Variants in AEBP2 observed in about 807,000 individuals in gnomAD.
AEBP2 encodes the protein zinc finger protein AEBP2.
AEBP2 carries 10 observed loss-of-function variants against 50.8 expected under a neutral mutation model. The observed-to-expected ratio is 0.20, with a 90% CI of 0.12 to 0.33. AEBP2 has a LOEUF of 0.33. Among genes scored for constraint, AEBP2 ranks in the 10% least tolerant of loss-of-function variants. The probability of loss-of-function intolerance (pLI) is 1.00; values close to 1 mark genes in which losing one functional copy is unlikely to be tolerated. For synonymous variants in AEBP2, 296 were observed against 261.3 expected, an observed-to-expected ratio of 1.13 and a Z score of -1.28; for missense variants, 570 against 688.0, an observed-to-expected ratio of 0.83 and a Z score of 1.92.
At chr12:19,474,655 A>G (rs1948621158) in intron 3 of AEBP2, among the ~76,000 whole-genome samples, 1 of 152,168 alleles carries the variant, frequency 6.6e-6, no homozygotes, top group African/African-American at 2.4e-5. Context: ...AAAAGAAACA[A>G]ACTTAATTTT....
chr12:19,440,832 A>AT, intron 1 of AEBP2: 1 of 1,397,528 alleles, frequency 7.2e-7, no homozygotes, highest in East Asian at 2.5e-5. Flanking sequence ...TTCCTTGTCC[A>AT]TGGGAGAGAC....
rs539378642 is a variant in AEBP2, at chr12:19,500,544, C to T, written c.1299+323C>T. ...CCAGGTGTCTTTTCTCACCTGGTTTCCTCATTTGCAAAATTAGAACATGAG... is the reference window on the plus strand; with the variant it reads ...CCAGGTGTCTTTTCTCACCTGGTTTTCTCATTTGCAAAATTAGAACATGAG... On this transcript the variant is annotated intron_variant, in intron 5 of 7. Coordinates refer to ENST00000266508, the MANE Select transcript of AEBP2 (RefSeq NM_153207.5). Among the ~76,000 whole-genome samples, 7 of 152,258 alleles carry T rather than the reference C, an allele frequency of 4.6e-5. 1 individual carries two copies. In the South Asian group the frequency reaches 1.5e-3, roughly 32 times the overall value.
chr12:19,496,300 C>T (rs767924011), intron 4 of AEBP2, among the ~76,000 whole-genome samples: 1 of 152,002 alleles, frequency 6.6e-6, no homozygotes, highest in East Asian at 1.9e-4. Context: ...AGGCAGGCTG[C>T]GTAGGGAGAG....
chr12:19,493,548 A>G (rs984991311), intron 3 of AEBP2, among the ~76,000 whole-genome samples: 2 of 152,216 alleles, frequency 1.3e-5, no homozygotes, highest in African/African-American at 4.8e-5. Flanking sequence ...TGTATTGCAT[A>G]TAGTGGAAAT....
upstream of AEBP2, among the ~76,000 whole-genome samples, chr12:19,436,686 G>T (rs1051307617): frequency 1.3e-5 from 2 of 151,266 alleles, no homozygotes; most frequent in Non-Finnish European, 2.9e-5. Flanking sequence ...CAATCTCCTG[G>T]CTCAAGCTGT....
chr12:19,470,876 G>A (rs1477470595), intron 2 of AEBP2, among the ~76,000 whole-genome samples: 1 of 152,126 alleles, frequency 6.6e-6, no homozygotes, highest in Non-Finnish European at 1.5e-5. Context: ...GAATCCTTCT[G>A]TCAAAAAAGT....
chr12:19,471,969 T>A (rs1948580522), intron 2 of AEBP2, among the ~76,000 whole-genome samples: 1 of 152,232 alleles, frequency 6.6e-6, no homozygotes, highest in Admixed American at 6.5e-5. Flanking sequence ...GGAAACGTTA[T>A]GACTTCCTTT....
intron 1 of AEBP2, chr12:19,456,437 A>G (rs1933623190): frequency 7.1e-7 from 1 of 1,413,682 alleles, no homozygotes; most frequent in Non-Finnish European, 9.9e-7. Flanking sequence ...CAACGTTGGC[A>G]GCATCACCAG....
intron 3 of AEBP2, among the ~76,000 whole-genome samples, chr12:19,479,315 C>A (rs1420467765): frequency 6.6e-6 from 1 of 152,124 alleles, no homozygotes; most frequent in Non-Finnish European, 1.5e-5. Context: ...GTCTTGATGA[C>A]CTGTCTAATG....
At chr12:19,423,112 A>G (rs948502560) in intron 1 of AEBP2, among the ~76,000 whole-genome samples, 2 of 145,298 alleles carry the variant, frequency 1.4e-5, no homozygotes, top group Non-Finnish European at 3.0e-5. Flanking sequence ...TGACCAGAGT[A>G]TAAGTTTCAT....
chr12:19,408,605 A>G (rs1414488337), intron 1 of AEBP2, among the ~76,000 whole-genome samples: 2 of 151,664 alleles, frequency 1.3e-5, no homozygotes, highest in Non-Finnish European at 2.9e-5. Context: ...TGAATCGCCT[A>G]TTTCAAAAAT....
chr12:19,519,836 CTT>C lies in AEBP2; in HGVS notation c.*1720_*1721del, dbSNP rs1228962919. 1 of 152,262 alleles carries C rather than the reference CTT, an allele frequency of 6.6e-6. No individual in the cohort carries two copies. Among genetic ancestry groups the C allele is most frequent in the East Asian group, 1.9e-4 (1 of 5,188 alleles). The allele number at this position is 152,262 out of a possible 1,614,324, so 9.4% of individuals were successfully genotyped here. A position where few individuals can be genotyped will look rare whatever the true frequency, so the allele number is the denominator to read the frequency against. ...AAGAGCTATATACATGAAAATGAGTCTTATAAAATTAAGTGAAGTGCAAATAA... is the reference window on the plus strand; with the variant it reads ...AAGAGCTATATACATGAAAATGAGTCATAAAATTAAGTGAAGTGCAAATAA... On this transcript the variant is annotated 3_prime_UTR_variant, in exon 8 of 8. Coordinates refer to ENST00000266508, the MANE Select transcript of AEBP2 (RefSeq NM_153207.5).
upstream of AEBP2, among the ~76,000 whole-genome samples, chr12:19,438,110 T>C (rs1453532891): frequency 6.6e-6 from 1 of 152,076 alleles, no homozygotes; most frequent in Non-Finnish European, 1.5e-5. Context: ...TAAGGTGCAA[T>C]ACCCGGTTAT....
chr12:19,457,227 A>G, intron 1 of AEBP2: 1 of 1,598,506 alleles, frequency 6.3e-7, no homozygotes, highest in Non-Finnish European at 8.5e-7. Flanking sequence ...CCAAAAGGGC[A>G]TGCTCCTAGG....
chr12:19,457,554 C>G, intron 1 of AEBP2: 1 of 1,481,500 alleles, frequency 6.7e-7, no homozygotes, highest in Admixed American at 2.0e-5. Context: ...GTTGATGCTA[C>G]CACATTTGTA....
intron 3 of AEBP2, among the ~76,000 whole-genome samples, chr12:19,492,596 TAAAA>T (rs1003368396): frequency 6.6e-6 from 1 of 151,608 alleles, no homozygotes; most frequent in African/African-American, 2.4e-5. Flanking sequence ...CAAAATAAAA[TAAAA>T]AAAATTTATT....
At chr12:19,417,238 A>G (rs1190693150) in intron 1 of AEBP2, among the ~76,000 whole-genome samples, 1 of 152,142 alleles carries the variant, frequency 6.6e-6, no homozygotes. Flanking sequence ...AGCTAAAGTG[A>G]TTATTCAAAC....
At chr12:19,480,543 A>T (rs562809457) in intron 3 of AEBP2, among the ~76,000 whole-genome samples, 7 of 152,344 alleles carry the variant, frequency 4.6e-5, no homozygotes, top group African/African-American at 1.7e-4. Context: ...TCCTTCATTT[A>T]TGAAGCTTAG....
chr12:19,500,406 CAT>C (rs1189981645), intron 5 of AEBP2, among the ~76,000 whole-genome samples, 185 bp downstream of exon 5: 1 of 152,132 alleles, frequency 6.6e-6, no homozygotes, highest in Non-Finnish European at 1.5e-5. Context: ...TATAATTTTA[CAT>C]GTTTGTGATT....
Sources: allele counts gnomAD v4.1 joint callset (sites outside exome capture counted in the v4.1 genomes callset), GRCh38; gene constraint gnomAD v4.1.1; transcripts MANE v1.5; gene names NCBI Gene and HGNC (gene_info 2026-07-23, HGNC 2026-07-21).